Variants in MAGI1 observed in about 807,000 individuals in gnomAD.
MAGI1 encodes the protein membrane associated guanylate kinase, WW and PDZ domain containing 1.
In MAGI1, 58 loss-of-function variants were observed where a neutral mutation model predicts 139.9. That is an observed-to-expected ratio of 0.41 (90% CI 0.34 to 0.52). The LOEUF (loss-of-function observed/expected upper bound fraction) is 0.52, where lower values mean the gene tolerates loss of function less well. Ranked by LOEUF, MAGI1 falls within the 20% of genes least tolerant of loss-of-function variation. The pLI is 0.12. For synonymous variants in MAGI1, 812 were observed against 737.9 expected, an observed-to-expected ratio of 1.10 and a Z score of -1.63; for missense variants, 1,874 against 1,901.6, an observed-to-expected ratio of 0.99 and a Z score of 0.27.
At chr3:65,974,238 G>A (rs573695516) in intron 1 of MAGI1, among the ~76,000 whole-genome samples, 1 of 151,886 alleles carries the variant, frequency 6.6e-6, no homozygotes, top group South Asian at 2.1e-4. Context: ...ACTATGCACT[G>A]TTCCTGGGAA....
In MAGI1 at chr3:65,453,396, G is replaced by C. The variant is rs1400374055; in HGVS notation, c.960-56C>G. 1.5e-5 allele frequency: 17 copies of C among 1,120,602 alleles called. No individual in the cohort carries two copies. In the South Asian group the frequency reaches 2.0e-4, roughly 13 times the overall value. The allele number at this position is 1,120,602 out of a possible 1,614,324, so 69.4% of individuals were successfully genotyped here. A position where few individuals can be genotyped will look rare whatever the true frequency, so the allele number is the denominator to read the frequency against. ...GTTTGAAAAAAAAAAAAAAAAGCAAGAAGCCCAATGACGGAATTACACACT... is the reference window on the plus strand; with the variant it reads ...GTTTGAAAAAAAAAAAAAAAAGCAACAAGCCCAATGACGGAATTACACACT... On this transcript the variant is annotated intron_variant, in intron 5 of 22. Transcript: ENST00000402939.
At chr3:65,394,712 A>T (rs1025219043) in intron 13 of MAGI1, among the ~76,000 whole-genome samples, 14 of 152,136 alleles carry the variant, frequency 9.2e-5, no homozygotes, top group Admixed American at 6.5e-4. Context: ...TAGCATTCTA[A>T]TTAGCTATGA....
chr3:65,429,832 T>A lies in MAGI1; in HGVS notation c.1855A>T (p.Asn619Tyr). The A allele has an allele frequency of 6.2e-7, 1 of 1,614,020 alleles. No individual in the cohort carries two copies. Among genetic ancestry groups the A allele is most frequent in the South Asian group, 1.1e-5 (1 of 91,084 alleles). ...RPSSPADVAS[N>Y]SSHGYPNDTV... The stretch of plus-strand genomic sequence containing the variant: ...TCATTAGGATAACCATGAGAACTAT[T>A]TGAAGCCACGTCCGCTGGGCTGCTT... The change falls in exon 12 of 23, where the codon AAT becomes TAT. Residue 619 changes from asparagine to tyrosine, a missense_variant. Asn to Tyr is a moderately radical substitution (Grantham distance 143). Around this residue, in one of 5 missense-constraint regions of MAGI1, gnomAD observed 482 missense variants for 509.6 expected, o/e 0.95. Coordinates refer to ENST00000402939, the MANE Select transcript of MAGI1 (RefSeq NM_001033057.2).
intron 1 of MAGI1, among the ~76,000 whole-genome samples, chr3:65,901,866 T>A (rs1047883249): frequency 6.6e-6 from 1 of 152,232 alleles, no homozygotes; most frequent in Admixed American, 6.5e-5. Context: ...TTAGCACTTT[T>A]ACAAGTACAT....
At chr3:65,588,988 T>G (rs1294034450) in intron 2 of MAGI1, among the ~76,000 whole-genome samples, 2 of 152,158 alleles carry the variant, frequency 1.3e-5, no homozygotes, top group Admixed American at 1.3e-4. Context: ...ATATTCTAGA[T>G]AGTGAAACAA....
intron 2 of MAGI1, among the ~76,000 whole-genome samples, chr3:65,583,990 T>C (rs1353546254): frequency 2.1e-5 from 3 of 145,446 alleles, no homozygotes; most frequent in African/African-American, 5.1e-5. Flanking sequence ...GTGAAGTTCA[T>C]AGCAATAAAA....
chr3:65,457,131 G>A (rs1378332589), intron 5 of MAGI1, among the ~76,000 whole-genome samples: 2 of 151,932 alleles, frequency 1.3e-5, no homozygotes, highest in African/African-American at 4.8e-5. Flanking sequence ...TATCCATTTG[G>A]GGAGCACTGA....
intron 1 of MAGI1, among the ~76,000 whole-genome samples, chr3:65,635,138 C>G (rs1289618610): frequency 6.6e-6 from 1 of 152,068 alleles, no homozygotes; most frequent in African/African-American, 2.4e-5. Context: ...GGTCGTGGCT[C>G]TCTGCAACCT....
At position 65,859,720 on chromosome 3, in the gene MAGI1, C is replaced by CA. The variant is rs572085322; in HGVS notation, c.313+178275dup. ...TGGGTGACAGAGCAAGACTCCATCT[C>CA]AAAAAAACAAAAAAAAAAAACTTTA... On this transcript the variant is annotated intron_variant, in intron 1 of 22. Coordinates refer to ENST00000402939, the MANE Select transcript of MAGI1 (RefSeq NM_001033057.2). 3.9e-3 allele frequency among the ~76,000 whole-genome samples: 547 copies of CA among 140,098 alleles called. 1 individual carries two copies. Among genetic ancestry groups the CA allele is most frequent in the African/African-American group, 0.013 (491 of 37,392 alleles). The allele number at this position is 140,098 out of a possible 152,430, so 91.9% of individuals were successfully genotyped here. A position where few individuals can be genotyped will look rare whatever the true frequency, so the allele number is the denominator to read the frequency against.
intron 1 of MAGI1, among the ~76,000 whole-genome samples, chr3:65,786,251 CTTTT>C (rs3077812): frequency 6.1e-5 from 7 of 114,818 alleles, no homozygotes; most frequent in Non-Finnish European, 8.5e-5. Flanking sequence ...CCAATCATAA[CTTTT>C]TTTTTTTTTT....
chr3:65,816,128 T>A (rs1490504795), intron 1 of MAGI1, among the ~76,000 whole-genome samples: 1 of 152,154 alleles, frequency 6.6e-6, no homozygotes, highest in African/African-American at 2.4e-5. Flanking sequence ...CAATTCTGAT[T>A]CTAATTGGCA....
At chr3:65,451,651 T>C (rs1231137707) in intron 6 of MAGI1, among the ~76,000 whole-genome samples, 1 of 152,100 alleles carries the variant, frequency 6.6e-6, no homozygotes, top group Non-Finnish European at 1.5e-5. Flanking sequence ...TGTTGCTTTG[T>C]TTGTTTCTTT....
chr3:65,488,844 G>A (rs1304627783), intron 3 of MAGI1, among the ~76,000 whole-genome samples: 1 of 150,634 alleles, frequency 6.6e-6, no homozygotes, highest in Non-Finnish European at 1.5e-5. Flanking sequence ...GCTCATTTTT[G>A]TATTTTTTTA....
chr3:65,556,399 G>C (rs1441727959), intron 2 of MAGI1, among the ~76,000 whole-genome samples: 8 of 152,246 alleles, frequency 5.3e-5, no homozygotes, highest in South Asian at 2.1e-4. Context: ...AACCACCTGA[G>C]ACATTTACTC....
At chr3:65,696,216 T>G (rs980350886) in intron 1 of MAGI1, among the ~76,000 whole-genome samples, 1 of 152,162 alleles carries the variant, frequency 6.6e-6, no homozygotes. Flanking sequence ...CAACTCACCT[T>G]ATCAAGGAGG....
At chr3:65,884,617 CA>C (rs1228832065) in intron 1 of MAGI1, among the ~76,000 whole-genome samples, 1 of 151,282 alleles carries the variant, frequency 6.6e-6, no homozygotes, top group East Asian at 1.9e-4. Flanking sequence ...TTTTAAGATT[CA>C]GGGGGTACAT....
chr3:65,727,568 G>A (rs182545518), intron 1 of MAGI1, among the ~76,000 whole-genome samples: 2 of 152,262 alleles, frequency 1.3e-5, no homozygotes, highest in South Asian at 2.1e-4. Context: ...CAATGAGGAA[G>A]ATATTTTATG....
At chr3:65,610,524 CT>C (rs1264408633) in intron 2 of MAGI1, among the ~76,000 whole-genome samples, 6 of 150,482 alleles carry the variant, frequency 4.0e-5, no homozygotes, top group Admixed American at 1.3e-4. Flanking sequence ...ACAGATATAT[CT>C]TTTTTTTTCC....
At chr3:65,546,988 C>G (rs1576277932) in intron 2 of MAGI1, among the ~76,000 whole-genome samples, 1 of 152,142 alleles carries the variant, frequency 6.6e-6, no homozygotes, top group East Asian at 1.9e-4. Flanking sequence ...GATGCATGTA[C>G]ATGTATGTAA....
Sources: allele counts gnomAD v4.1 joint callset (sites outside exome capture counted in the v4.1 genomes callset), GRCh38; gene constraint gnomAD v4.1.1; regional missense constraint gnomAD v4.1.1; transcripts MANE v1.5; gene names NCBI Gene and HGNC (gene_info 2026-07-23, HGNC 2026-07-21).